Variants in CACNA1D observed in about 807,000 individuals in gnomAD.
CACNA1D encodes calcium voltage-gated channel subunit alpha1 D.
A neutral mutation model predicts 257.1 loss-of-function variants in CACNA1D; 55 were observed. The ratio of observed to expected loss-of-function variants is 0.21; its 90% confidence interval spans 0.17 to 0.27. The LOEUF (loss-of-function observed/expected upper bound fraction) is 0.27, where lower values mean the gene tolerates loss of function less well. CACNA1D is among the 10% of genes least tolerant of loss of function. CACNA1D has a pLI of 1.00. For synonymous variants in CACNA1D, 980 were observed against 1,014.9 expected, an observed-to-expected ratio of 0.97 and a Z score of 0.65; for missense variants, 1,876 against 2,784.0, an observed-to-expected ratio of 0.67 and a Z score of 7.34.
chr3:53,650,982 T>A, intron 4 of CACNA1D, 64 bp downstream of exon 4: 1 of 980,356 alleles, frequency 1.0e-6, no homozygotes, highest in Non-Finnish European at 1.6e-6. Flanking sequence ...TTGGGGGGGG[T>A]GGTGGTAACA....
At chr3:53,595,611 A>C (rs1361403307) in intron 3 of CACNA1D, among the ~76,000 whole-genome samples, 1 of 151,948 alleles carries the variant, frequency 6.6e-6, no homozygotes, top group African/African-American at 2.4e-5. Context: ...CTCTAGACCC[A>C]CTGTTGTCCT....
intron 3 of CACNA1D, among the ~76,000 whole-genome samples, chr3:53,536,529 G>A (rs1402551782): frequency 6.6e-6 from 1 of 152,216 alleles, no homozygotes; most frequent in Non-Finnish European, 1.5e-5. Flanking sequence ...CTCCAAACTA[G>A]GGGATCCAAG....
intron 9 of CACNA1D, among the ~76,000 whole-genome samples, chr3:53,718,060 G>A (rs539555508): frequency 6.6e-6 from 1 of 152,282 alleles, no homozygotes; most frequent in Admixed American, 6.5e-5. Context: ...ATGTCTAGGG[G>A]GATAGAATGT....
chr3:53,695,928 T>C (rs1351645100), intron 8 of CACNA1D, among the ~76,000 whole-genome samples: 3 of 152,196 alleles, frequency 2.0e-5, no homozygotes, highest in Non-Finnish European at 4.4e-5. Context: ...AGCCCCTTTC[T>C]GGACTGACAG....
Position 53,811,350 on chromosome 3 carries a change from C to T in CACNA1D, c.6430C>T (p.Pro2144Ser). Residue 2144 changes from proline to serine, a missense_variant, in exon 48 of 48, where the codon CCT becomes TCT. By Grantham distance (74) the Pro-to-Ser change is moderately conservative (BLOSUM62 -1). Coordinates refer to ENST00000350061, the MANE Select transcript of CACNA1D (RefSeq NM_001128840.3). The surrounding 1 kb of genome is among the most constrained non-coding windows in gnomAD (Gnocchi z 4.2). ...GPGYSDEEPD[P>S]GRDEEDLADE... ...TGGCTACAGCGACGAAGAGCCAGAC[C>T]CTGGGAGGGATGAGGAGGACCTGGC... 1 of 1,598,388 alleles carries T rather than the reference C, an allele frequency of 6.3e-7. No homozygotes were observed. The highest frequency in any genetic ancestry group is 8.6e-7 in the Non-Finnish European group (1 of 1,169,562).
At chr3:53,577,331 G>A (rs2093055133) in intron 3 of CACNA1D, among the ~76,000 whole-genome samples, 1 of 152,170 alleles carries the variant, frequency 6.6e-6, no homozygotes, top group African/African-American at 2.4e-5. Flanking sequence ...GGGTGCTGGG[G>A]AGGAGCTGTC....
intron 7 of CACNA1D, among the ~76,000 whole-genome samples, chr3:53,668,306 A>G (rs372037378): frequency 6.6e-6 from 1 of 152,320 alleles, no homozygotes; most frequent in South Asian, 2.1e-4. Context: ...TCCTGTTGCC[A>G]AGCAAGTGTA....
At position 53,578,942 on chromosome 3, in the gene CACNA1D, C is replaced by A. The variant is rs556764541; in HGVS notation, c.484-71837C>A. ...TGGGCCATAGTTGGGAGGCTGTTTG[C>A]ATCCTTTTGAGGAAGGGGGAGTAAA... On this transcript the variant is annotated intron_variant, in intron 3 of 47. Transcript: ENST00000350061. Among the ~76,000 whole-genome samples the A allele has an allele frequency of 2.6e-3, 399 of 152,286 alleles. 1 individual carries two copies. Among genetic ancestry groups the A allele is most frequent in the Middle Eastern group, 0.017 (5 of 294 alleles).
intron 5 of CACNA1D, 39 bp downstream of exon 5, chr3:53,660,314 GT>G (rs761898649): frequency 6.2e-7 from 1 of 1,608,918 alleles, no homozygotes; most frequent in Non-Finnish European, 8.5e-7. Context: ...GAGTGTGCTG[GT>G]TTTTTCTTCC....
At chr3:53,696,940 G>T (rs1019722645) in intron 8 of CACNA1D, among the ~76,000 whole-genome samples, 16 of 106,678 alleles carry the variant, frequency 1.5e-4, no homozygotes, top group African/African-American at 7.3e-4. Flanking sequence ...GTCTGGGTCT[G>T]CAGCGACCTG....
intron 3 of CACNA1D, among the ~76,000 whole-genome samples, chr3:53,614,406 C>T (rs940873618): frequency 6.6e-6 from 1 of 152,050 alleles, no homozygotes; most frequent in African/African-American, 2.4e-5. Flanking sequence ...TCACTGGAGG[C>T]GCTCCATTTA....
At chr3:53,768,458 A>T (rs1194049160) in intron 30 of CACNA1D, among the ~76,000 whole-genome samples, 5 of 152,254 alleles carry the variant, frequency 3.3e-5, no homozygotes, top group Admixed American at 6.5e-5. Flanking sequence ...GTGGAAAATG[A>T]TGAGAACTTT....
chr3:53,619,085 A>G (rs1175683648), intron 3 of CACNA1D, among the ~76,000 whole-genome samples: 3 of 152,184 alleles, frequency 2.0e-5, no homozygotes, highest in Non-Finnish European at 2.9e-5. Context: ...ACAACGCTGT[A>G]AAGTATTAGC....
intron 9 of CACNA1D, among the ~76,000 whole-genome samples, chr3:53,703,143 GAGA>G (rs1218427863): frequency 6.6e-6 from 1 of 152,240 alleles, no homozygotes; most frequent in East Asian, 1.9e-4. Context: ...TGTACCACAG[GAGA>G]AGAAGCTGTG....
At chr3:53,603,497 G>C (rs2093470670) in intron 3 of CACNA1D, among the ~76,000 whole-genome samples, 1 of 152,194 alleles carries the variant, frequency 6.6e-6, no homozygotes, top group Non-Finnish European at 1.5e-5. Flanking sequence ...ACGTAGAACA[G>C]TTCCTGGGAC....
At chr3:53,578,755 A>G (rs1405393488) in intron 3 of CACNA1D, among the ~76,000 whole-genome samples, 2 of 152,204 alleles carry the variant, frequency 1.3e-5, no homozygotes, top group African/African-American at 2.4e-5. Flanking sequence ...GCAGTTGCCC[A>G]GGGCCCCATG....
intron 3 of CACNA1D, among the ~76,000 whole-genome samples, chr3:53,649,843 A>C (rs1424139441): frequency 1.3e-5 from 2 of 152,240 alleles, no homozygotes; most frequent in East Asian, 3.8e-4. Context: ...TTAATTACAC[A>C]CATCTCTGTT....
At chr3:53,505,118 T>TTG (rs2090776128) in intron 3 of CACNA1D, among the ~76,000 whole-genome samples, 1 of 144,370 alleles carries the variant, frequency 6.9e-6, no homozygotes, top group African/African-American at 2.6e-5. Context: ...TTTATTTGTT[T>TTG]TTTTTTTTTT....
At chr3:53,748,915 C>T (rs539257342) in intron 26 of CACNA1D, among the ~76,000 whole-genome samples, 1 of 152,354 alleles carries the variant, frequency 6.6e-6, no homozygotes, top group African/African-American at 2.4e-5. Flanking sequence ...TCTGGTTGGT[C>T]ACTTACTGTC....
Sources: allele counts gnomAD v4.1 joint callset (sites outside exome capture counted in the v4.1 genomes callset), GRCh38; gene constraint gnomAD v4.1.1; non-coding constraint Gnocchi (gnomAD v3.1); transcripts MANE v1.5; gene names NCBI Gene and HGNC (gene_info 2026-07-23, HGNC 2026-07-21).